The following ELOVL6 variants were observed in gnomAD, a reference collection of about 807,000 sequenced individuals.
ELOVL6 encodes the protein ELOVL fatty acid elongase 6.
In ELOVL6, 8 loss-of-function variants were observed where a neutral mutation model predicts 31.7. That is an observed-to-expected ratio of 0.25 (90% CI 0.15 to 0.45). The LOEUF is 0.45. Among genes scored for constraint, ELOVL6 ranks in the 20% least tolerant of loss-of-function variants. ELOVL6 has a pLI of 1.00. For missense variants in ELOVL6, 126 were observed against 326.4 expected (o/e 0.39, Z 4.73); for synonymous variants, 101 against 117.7 (o/e 0.86, Z 0.92).
At chr4:110,092,919 C>T (rs1284551047) in intron 2 of ELOVL6, among the ~76,000 whole-genome samples, 1 of 152,098 alleles carries the variant, frequency 6.6e-6, no homozygotes, top group Non-Finnish European at 1.5e-5. Context: ...TGTCTTAATT[C>T]AAAACAATCC....
At chr4:110,159,828 A>C (rs1758578717) in intron 1 of ELOVL6, among the ~76,000 whole-genome samples, 1 of 152,178 alleles carries the variant, frequency 6.6e-6, no homozygotes, top group Non-Finnish European at 1.5e-5. Flanking sequence ...AACCTCTCAC[A>C]ATCTAAAAGA....
In ELOVL6 at chr4:110,112,782, G is replaced by A. The variant is rs2126249821; in HGVS notation, c.90-7154C>T. ...CCAGCTATTCAGGAGCCTAAGGCAGGAGAATCTCTTGAACCTGGGAGGCAG... is the reference window on the plus strand; with the variant it reads ...CCAGCTATTCAGGAGCCTAAGGCAGAAGAATCTCTTGAACCTGGGAGGCAG... On this transcript the variant is annotated intron_variant, in intron 1 of 3. Coordinates refer to ENST00000302274, the MANE Select transcript of ELOVL6 (RefSeq NM_024090.3). Among the ~76,000 whole-genome samples, 2 of 152,262 alleles carry A rather than the reference G, an allele frequency of 1.3e-5. 1 individual carries two copies. Among genetic ancestry groups the A allele is most frequent in the South Asian group, 4.2e-4 (2 of 4,818 alleles).
chr4:110,114,837 C>G (rs1365866831), intron 1 of ELOVL6, among the ~76,000 whole-genome samples: 1 of 152,130 alleles, frequency 6.6e-6, no homozygotes, highest in East Asian at 1.9e-4. Context: ...AAGTCCAATT[C>G]AAACTGAAAA....
chr4:110,064,379 C>T (rs1038804715), intron 2 of ELOVL6, among the ~76,000 whole-genome samples: 1 of 152,034 alleles, frequency 6.6e-6, no homozygotes, highest in Non-Finnish European at 1.5e-5. Context: ...CCAAGAATAT[C>T]CATTATACAA....
chr4:110,084,559 C>CTTT (rs1560815775), intron 2 of ELOVL6, among the ~76,000 whole-genome samples: 5 of 56,642 alleles, frequency 8.8e-5, no homozygotes, highest in African/African-American at 5.5e-4. Context: ...CACACACACA[C>CTTT]ACAGATATAT....
At chr4:110,101,821 C>G (rs183012261) in intron 2 of ELOVL6, among the ~76,000 whole-genome samples, 2 of 152,092 alleles carry the variant, frequency 1.3e-5, no homozygotes, top group Admixed American at 6.5e-5. Flanking sequence ...ACTACAGGTG[C>G]GTGACACCAT....
At chr4:110,067,660 C>T (rs1755343304) in intron 2 of ELOVL6, among the ~76,000 whole-genome samples, 2 of 152,180 alleles carry the variant, frequency 1.3e-5, no homozygotes, top group Non-Finnish European at 2.9e-5. Flanking sequence ...ACGATCTCTG[C>T]ATCAGGTGCT....
At chr4:110,122,574 C>T (rs1757384858) in intron 1 of ELOVL6, among the ~76,000 whole-genome samples, 1 of 152,178 alleles carries the variant, frequency 6.6e-6, no homozygotes, top group Non-Finnish European at 1.5e-5. Flanking sequence ...GATGAAGCTT[C>T]ACCATGTTGC....
intron 1 of ELOVL6, among the ~76,000 whole-genome samples, chr4:110,158,286 C>A (rs1354858513): frequency 6.6e-6 from 1 of 152,072 alleles, no homozygotes; most frequent in Admixed American, 6.6e-5. Flanking sequence ...CCTAGTGGAC[C>A]ATTGTGTGCA....
intron 1 of ELOVL6, among the ~76,000 whole-genome samples, chr4:110,150,084 T>C (rs1459504287): frequency 2.0e-5 from 3 of 152,156 alleles, no homozygotes; most frequent in African/African-American, 2.4e-5. Context: ...GTTTTAGTTT[T>C]AGTTTTTCAT....
At chr4:110,073,248 C>T (rs1040268581) in intron 2 of ELOVL6, among the ~76,000 whole-genome samples, 2 of 152,208 alleles carry the variant, frequency 1.3e-5, no homozygotes, top group African/African-American at 4.8e-5. Flanking sequence ...CACTGGACTG[C>T]TGCCTGGCTT....
intron 1 of ELOVL6, among the ~76,000 whole-genome samples, chr4:110,185,279 C>T (rs1560862330): frequency 6.6e-6 from 1 of 152,136 alleles, no homozygotes; most frequent in Non-Finnish European, 1.5e-5. Flanking sequence ...CTCAAGGCAA[C>T]CTTGTATTCA....
rs1757247298 is a variant in ELOVL6, at chr4:110,118,298, C to T, written c.90-12670G>A. ...ATAGAACCAGACTTCATGGTAACTGCCAAGACACCACCCCCCTAACTCCAC... is the reference window on the plus strand; with the variant it reads ...ATAGAACCAGACTTCATGGTAACTGTCAAGACACCACCCCCCTAACTCCAC... On this transcript the variant is annotated intron_variant, in intron 1 of 3. Transcript: ENST00000302274. Among the ~76,000 whole-genome samples, 4 of 152,030 alleles carry T rather than the reference C, an allele frequency of 2.6e-5. No individual in the cohort carries two copies. In the South Asian group the frequency reaches 8.3e-4, roughly 32 times the overall value.
At chr4:110,169,644 G>T (rs1002486576) in intron 1 of ELOVL6, among the ~76,000 whole-genome samples, 2 of 152,134 alleles carry the variant, frequency 1.3e-5, no homozygotes, top group African/African-American at 2.4e-5. Context: ...CACGGTGTGT[G>T]TGTGAGCACA....
intron 1 of ELOVL6, among the ~76,000 whole-genome samples, chr4:110,118,845 T>C (rs1268341195): frequency 1.3e-5 from 2 of 152,292 alleles, no homozygotes; most frequent in African/African-American, 4.8e-5. Context: ...GGTGGGCAGA[T>C]TGCTTGAGCT....
intron 3 of ELOVL6, among the ~76,000 whole-genome samples, chr4:110,056,583 G>A (rs535806786): frequency 2.6e-5 from 4 of 152,062 alleles, no homozygotes; most frequent in Admixed American, 2.6e-4. Flanking sequence ...TCTATAAAGG[G>A]TTTGAAACTG....
At chr4:110,194,411 G>T (rs1400874380) in intron 1 of ELOVL6, among the ~76,000 whole-genome samples, 1 of 152,142 alleles carries the variant, frequency 6.6e-6, no homozygotes, top group East Asian at 1.9e-4. Flanking sequence ...TCAAGATGAG[G>T]CCCAGGATGA....
chr4:110,157,128 A>G (rs1758454573), intron 1 of ELOVL6, among the ~76,000 whole-genome samples: 1 of 152,198 alleles, frequency 6.6e-6, no homozygotes, highest in African/African-American at 2.4e-5. Flanking sequence ...AGCAAGGCCA[A>G]GAAGAAGGAG....
intron 2 of ELOVL6, among the ~76,000 whole-genome samples, chr4:110,099,625 C>T (rs1266958159): frequency 4.6e-5 from 7 of 152,174 alleles, no homozygotes; most frequent in East Asian, 3.8e-4. Context: ...TGTACACTAA[C>T]TAGACATCCT....
Sources: gnomAD v4.1 joint callset for allele counts (sites outside exome capture counted in the v4.1 genomes callset) on GRCh38, gnomAD v4.1.1 for gene constraint, MANE v1.5 for transcripts, NCBI Gene and HGNC (gene_info 2026-07-23, HGNC 2026-07-21) for gene names.